The following AGBL4 variants were observed in gnomAD, a reference collection of about 807,000 sequenced individuals.
AGBL4 encodes cytosolic carboxypeptidase 6.
Under a neutral mutation model 66.4 loss-of-function variants are expected in AGBL4, and 58 were observed. The observed-to-expected ratio is 0.87, with a 90% confidence interval of 0.71 to 1.09. AGBL4 has a LOEUF of 1.09. Among genes scored for constraint, AGBL4 ranks in the 50% least tolerant of loss-of-function variants. The pLI is 0.00. For missense variants in AGBL4, 579 were observed against 631.0 expected, an observed-to-expected ratio of 0.92 and a Z score of 0.88; for synonymous variants, 234 against 222.9, an observed-to-expected ratio of 1.05 and a Z score of -0.44.
At chr1:48,884,774 T>C (rs1243613817) in intron 5 of AGBL4, among the ~76,000 whole-genome samples, 1 of 152,032 alleles carries the variant, frequency 6.6e-6, no homozygotes, top group Non-Finnish European at 1.5e-5. Context: ...GTTTTATAAT[T>C]ACTTAGACAA....
At chr1:49,582,617 C>G (rs1644566219) in intron 3 of AGBL4, among the ~76,000 whole-genome samples, 1 of 152,232 alleles carries the variant, frequency 6.6e-6, no homozygotes, top group African/African-American at 2.4e-5. Context: ...ACTCAAGCAT[C>G]ACTTCCAAAA....
chr1:49,740,453 A>T (rs1016827210), intron 2 of AGBL4, among the ~76,000 whole-genome samples: 4 of 152,296 alleles, frequency 2.6e-5, no homozygotes, highest in African/African-American at 9.6e-5. Context: ...TAATAATGGG[A>T]GACTTTAACA....
chr1:49,551,193 ACTT>A (rs1410362142), intron 3 of AGBL4, among the ~76,000 whole-genome samples: 1 of 152,032 alleles, frequency 6.6e-6, no homozygotes, highest in Non-Finnish European at 1.5e-5. Flanking sequence ...TTCTCCCTTC[ACTT>A]CTTGTATCAT....
chr1:49,264,702 C>T (rs1653556138), intron 3 of AGBL4, among the ~76,000 whole-genome samples: 1 of 152,218 alleles, frequency 6.6e-6, no homozygotes, highest in Admixed American at 6.5e-5. Context: ...CATATCACCA[C>T]ACCCGGCTAA....
At chr1:48,909,303 G>T (rs1201660650) in intron 5 of AGBL4, among the ~76,000 whole-genome samples, 1 of 152,116 alleles carries the variant, frequency 6.6e-6, no homozygotes, top group African/African-American at 2.4e-5. Context: ...GGTTCTGTCT[G>T]CTTTCATTTC....
intron 6 of AGBL4, among the ~76,000 whole-genome samples, chr1:48,797,065 A>C (rs1645694287): frequency 1.3e-5 from 2 of 152,210 alleles, no homozygotes; most frequent in South Asian, 2.1e-4. Flanking sequence ...CCTTAAAGGC[A>C]ATATGCACCC....
intron 5 of AGBL4, among the ~76,000 whole-genome samples, chr1:48,958,711 C>T (rs1657705158): frequency 6.6e-6 from 1 of 152,200 alleles, no homozygotes; most frequent in Non-Finnish European, 1.5e-5. Flanking sequence ...GGGCAGGGTG[C>T]CCTAAGCTTA....
intron 6 of AGBL4, among the ~76,000 whole-genome samples, chr1:48,865,882 GAGGAATTGGT>G (rs1219274379): frequency 1.3e-5 from 2 of 152,140 alleles, no homozygotes; most frequent in Non-Finnish European, 2.9e-5. Context: ...ACCACCTTAG[GAGGAATTGGT>G]AGGTCATACA....
intron 3 of AGBL4, among the ~76,000 whole-genome samples, chr1:49,490,049 T>C (rs1485546343): frequency 6.6e-6 from 1 of 151,898 alleles, no homozygotes; most frequent in African/African-American, 2.4e-5. Flanking sequence ...TTATGTGTTC[T>C]GGCTAAAACC....
At chr1:49,883,957 T>C (rs1647722414) in intron 1 of AGBL4, among the ~76,000 whole-genome samples, 2 of 151,956 alleles carry the variant, frequency 1.3e-5, no homozygotes, top group Non-Finnish European at 1.5e-5. Flanking sequence ...ACATTCTACA[T>C]GCACATAAAA....
chr1:49,297,057 C>A (rs942329442), intron 3 of AGBL4, among the ~76,000 whole-genome samples: 22 of 152,200 alleles, frequency 1.4e-4, no homozygotes, highest in African/African-American at 4.8e-4. Context: ...TCCAAAAAAT[C>A]CAAGGCAGCT....
At chr1:49,869,697 A>C (rs567239170) in intron 1 of AGBL4, among the ~76,000 whole-genome samples, 4 of 152,300 alleles carry the variant, frequency 2.6e-5, no homozygotes, top group Admixed American at 2.0e-4. Context: ...CCACCATGGC[A>C]CACGTTTACC....
rs139036758 is a variant in AGBL4 at position 48,755,839 on chromosome 1, T to C, written c.635-92598A>G. ...TCTTCTTTGTATCTCCCTAAGTTCCTAGGCTCAGAAAGCATTTGGTCAATG... is the reference window on the plus strand; with the variant it reads ...TCTTCTTTGTATCTCCCTAAGTTCCCAGGCTCAGAAAGCATTTGGTCAATG... On this transcript the variant is annotated intron_variant, in intron 6 of 13. Transcript: ENST00000371839. Among the ~76,000 whole-genome samples the C allele has an allele frequency of 8.4e-4, 128 of 152,334 alleles. 1 individual carries two copies. In the Middle Eastern group the frequency reaches 0.01, roughly 12 times the overall value.
At chr1:48,974,885 T>C (rs546893186) in intron 5 of AGBL4, among the ~76,000 whole-genome samples, 2 of 152,240 alleles carry the variant, frequency 1.3e-5, no homozygotes, top group East Asian at 1.9e-4. Flanking sequence ...TCAGGGACCA[T>C]AGCATACCTT....
At chr1:49,019,441 G>A (rs769702027) in intron 5 of AGBL4, among the ~76,000 whole-genome samples, 3 of 152,154 alleles carry the variant, frequency 2.0e-5, no homozygotes, top group Non-Finnish European at 4.4e-5. Context: ...TCTTCTTCAG[G>A]TCAATGTAAT....
intron 4 of AGBL4, among the ~76,000 whole-genome samples, chr1:49,230,909 C>T (rs192844425): frequency 3.9e-5 from 6 of 152,082 alleles, no homozygotes; most frequent in Admixed American, 3.9e-4. Flanking sequence ...TGATCATAAG[C>T]CAAAGAGCAA....
intron 5 of AGBL4, among the ~76,000 whole-genome samples, chr1:49,014,349 A>C (rs780579962): frequency 6.6e-6 from 1 of 152,232 alleles, no homozygotes; most frequent in Non-Finnish European, 1.5e-5. Flanking sequence ...GAGGTAGTAT[A>C]ATATTGTCGT....
chr1:48,735,179 C>T (rs1475529176), intron 6 of AGBL4, among the ~76,000 whole-genome samples: 1 of 152,186 alleles, frequency 6.6e-6, no homozygotes, highest in African/African-American at 2.4e-5. Flanking sequence ...CAGTTAAGTG[C>T]CTAAAATAAT....
chr1:49,087,856 G>C (rs1644935813), intron 4 of AGBL4, among the ~76,000 whole-genome samples: 1 of 152,156 alleles, frequency 6.6e-6, no homozygotes, highest in Admixed American at 6.5e-5. Flanking sequence ...AGGTCACCTA[G>C]AAAGGGAACC....
Sources: gnomAD v4.1 joint callset for allele counts (sites outside exome capture counted in the v4.1 genomes callset) on GRCh38, gnomAD v4.1.1 for gene constraint, MANE v1.5 for transcripts, NCBI Gene and HGNC (gene_info 2026-07-23, HGNC 2026-07-21) for gene names.